Variants in LRRC27 observed in about 807,000 individuals in gnomAD.
LRRC27 encodes the protein leucine rich repeat containing 27.
Under a neutral mutation model 55.0 loss-of-function variants are expected in LRRC27, and 57 were observed. The observed-to-expected ratio is 1.04, with a 90% CI of 0.84 to 1.29. The LOEUF (loss-of-function observed/expected upper bound fraction) is 1.29, where lower values mean the gene tolerates loss of function less well. Ranked by LOEUF, LRRC27 falls within the 50% of genes most tolerant of loss-of-function variation. The pLI is 0.00. For synonymous variants in LRRC27, 278 were observed against 251.9 expected (o/e 1.10, Z -0.98); for missense variants, 721 against 651.5 (o/e 1.11, Z -1.16).
intron 10 of LRRC27, among the ~76,000 whole-genome samples, chr10:132,373,734 A>G (rs987231188): frequency 2.6e-5 from 4 of 152,216 alleles, no homozygotes; most frequent in African/African-American, 9.6e-5. Context: ...GAGCTGACCC[A>G]GAAGCCCCCG....
intron 3 of LRRC27, among the ~76,000 whole-genome samples, chr10:132,338,503 TG>T (rs2067234889): frequency 6.6e-6 from 1 of 152,094 alleles, no homozygotes; most frequent in Admixed American, 6.5e-5. Flanking sequence ...TTCCCACTTG[TG>T]GGGTGTAATC....
intron 10 of LRRC27, among the ~76,000 whole-genome samples, chr10:132,366,102 C>A (rs1659378703): frequency 6.6e-6 from 1 of 152,240 alleles, no homozygotes; most frequent in African/African-American, 2.4e-5. Flanking sequence ...CACTGGGAAT[C>A]TGATGGCAGG....
At chr10:132,357,874 A>T (rs1031952658) in intron 8 of LRRC27, among the ~76,000 whole-genome samples, 2 of 152,190 alleles carry the variant, frequency 1.3e-5, no homozygotes, top group Non-Finnish European at 2.9e-5. Context: ...CCTAGTGCAG[A>T]GGCAGACCCT....
At chr10:132,330,724 G>T (rs1009620548), upstream of LRRC27, among the ~76,000 whole-genome samples, 1 of 144,896 alleles carries the variant, frequency 6.9e-6, no homozygotes, top group Non-Finnish European at 1.5e-5. Flanking sequence ...TGCCCAGGCT[G>T]GTCTCCAACT....
chr10:132,348,918 A>G lies in LRRC27; in HGVS notation c.926+562A>G. 7.2e-7 allele frequency: 1 copy of G among 1,397,286 alleles called. No individual in the cohort carries two copies. Among genetic ancestry groups the G allele is most frequent in the Non-Finnish European group, 1.0e-6 (1 of 1,005,018 alleles). 86.6% of individuals were successfully genotyped at this position (1,397,286 alleles called of 1,614,324 possible). On this transcript the variant is annotated intron_variant, in intron 6 of 10. Transcript: ENST00000368614. This position sits in a 1 kb window ranked among gnomAD's most constrained non-coding sequence, Gnocchi z 4.2. ...TCCAAAGCTTGCCTTTGCCTTTGGT[A>G]CAGTGAGTTTGGGGGCCGAGATTTT...
At position 132,379,073 on chromosome 10, in the gene LRRC27, T is replaced by C. The variant is rs577304098; in HGVS notation, c.*3831T>C. ...CATCCTGCTCATCTCCAGCATTTCCTCTCACCTCTGTGTTCTCGGGGAGTG... is the reference window on the plus strand; with the variant it reads ...CATCCTGCTCATCTCCAGCATTTCCCCTCACCTCTGTGTTCTCGGGGAGTG... On this transcript the variant is annotated 3_prime_UTR_variant, in exon 11 of 11. Coordinates refer to ENST00000368614, the MANE Select transcript of LRRC27 (RefSeq NM_030626.3). 1 of 138,698 alleles carries C rather than the reference T, an allele frequency of 7.2e-6. No individual in the cohort carries two copies. The highest frequency in any genetic ancestry group is 2.2e-4 in the East Asian group (1 of 4,566). 8.6% of individuals were successfully genotyped at this position (138,698 alleles called of 1,614,324 possible).
At chr10:132,352,086 C>T (rs1261991839) in intron 7 of LRRC27, among the ~76,000 whole-genome samples, 3 of 64,228 alleles carry the variant, frequency 4.7e-5, no homozygotes, top group African/African-American at 1.6e-4. Flanking sequence ...TGCAGCGCTC[C>T]GTGTGGGGCA....
chr10:132,366,332 T>A (rs1190475939), intron 10 of LRRC27: 1 of 152,530 alleles, frequency 6.6e-6, no homozygotes, highest in Non-Finnish European at 1.5e-5. Context: ...CAAGGCCTCC[T>A]GACCAGGAGC....
chr10:132,342,541 C>T (rs2748395), intron 4 of LRRC27, among the ~76,000 whole-genome samples: 43,367 of 152,096 alleles, frequency 0.29, 6,625 homozygotes, highest in Middle Eastern at 0.36. Context: ...CTGAAGGCCC[C>T]GCACACACCT....
chr10:132,330,254 G>A, upstream of LRRC27: 2 of 566,726 alleles, frequency 3.5e-6, no homozygotes, highest in Non-Finnish European at 6.4e-6. Context: ...ACAAAAACCT[G>A]AGGCAACAAT....
At chr10:132,355,518 T>G (rs990606185) in intron 7 of LRRC27, among the ~76,000 whole-genome samples, 11 of 152,170 alleles carry the variant, frequency 7.2e-5, no homozygotes, top group Non-Finnish European at 1.3e-4. Context: ...TGCCTTTTCC[T>G]CGGTCACTGG....
chr10:132,343,536 G>A (rs1339531890), intron 4 of LRRC27, among the ~76,000 whole-genome samples: 9 of 152,180 alleles, frequency 5.9e-5, no homozygotes, highest in Admixed American at 4.6e-4. Context: ...AGATAATACA[G>A]AGTCACTTGC....
In LRRC27 at chr10:132,377,647, A is replaced by C. The variant is rs1365565299; in HGVS notation, c.*2405A>C. The C allele has an allele frequency of 2.0e-5, 3 of 152,208 alleles. No individual in the cohort carries two copies. The highest frequency in any genetic ancestry group is 2.0e-4 in the Admixed American group (3 of 15,276). The allele number at this position is 152,208 out of a possible 1,614,324, so 9.4% of individuals were successfully genotyped here. A position where few individuals can be genotyped will look rare whatever the true frequency, so the allele number is the denominator to read the frequency against. On this transcript the variant is annotated 3_prime_UTR_variant, in exon 11 of 11. Transcript: ENST00000368614. ...CCATCCCGATGCTCTTCCTTCCTGC[A>C]GCTTCATGCTCCAATGAGGGCTGAT...
intron 9 of LRRC27, among the ~76,000 whole-genome samples, chr10:132,364,212 C>A (rs2068792583): frequency 6.6e-6 from 1 of 151,938 alleles, no homozygotes; most frequent in Non-Finnish European, 1.5e-5. Flanking sequence ...GCAAAACCGG[C>A]ACAAACCCTG....
At chr10:132,362,372 A>G (rs969696327) in intron 9 of LRRC27, among the ~76,000 whole-genome samples, 7 of 152,162 alleles carry the variant, frequency 4.6e-5, no homozygotes, top group Admixed American at 4.6e-4. Flanking sequence ...GCTCAGAGGC[A>G]TGCACTTGGC....
chr10:132,347,572 C>G (rs890979253), intron 5 of LRRC27, among the ~76,000 whole-genome samples: 1 of 149,916 alleles, frequency 6.7e-6, no homozygotes, highest in Non-Finnish European at 1.5e-5. Flanking sequence ...GTCAGGTGTG[C>G]TCGGTGGGGC....
At chr10:132,365,985 G>A (rs761852986) in intron 10 of LRRC27, among the ~76,000 whole-genome samples, 6 of 152,238 alleles carry the variant, frequency 3.9e-5, no homozygotes, top group East Asian at 1.9e-4. Context: ...CTTATGAGGT[G>A]TAGAAATTCC....
At chr10:132,371,362 CAG>C (rs2069212372) in intron 10 of LRRC27, among the ~76,000 whole-genome samples, 1 of 152,180 alleles carries the variant, frequency 6.6e-6, no homozygotes, top group Admixed American at 6.5e-5. Flanking sequence ...CGGGTCAGGG[CAG>C]AGAGAGAAGA....
chr10:132,357,648 G>A (rs1258305984), intron 8 of LRRC27, among the ~76,000 whole-genome samples: 1 of 152,224 alleles, frequency 6.6e-6, no homozygotes, highest in African/African-American at 2.4e-5. Flanking sequence ...GCTCTGGGGA[G>A]GGGGGCGCAG....
Sources: allele counts gnomAD v4.1 joint callset (sites outside exome capture counted in the v4.1 genomes callset), GRCh38; gene constraint gnomAD v4.1.1; non-coding constraint Gnocchi (gnomAD v3.1); transcripts MANE v1.5; gene names NCBI Gene and HGNC (gene_info 2026-07-23, HGNC 2026-07-21).